YPEL1: variants seen among roughly 807,000 people sequenced by gnomAD.
YPEL1 encodes the protein protein yippee-like 1.
YPEL1 carries 7 observed loss-of-function variants against 17.3 expected under a neutral mutation model. That is an observed-to-expected ratio of 0.40 (90% CI 0.23 to 0.76). The LOEUF (loss-of-function observed/expected upper bound fraction) is 0.76. Ranked by LOEUF, YPEL1 falls within the 30% of genes least tolerant of loss-of-function variation. The probability of loss-of-function intolerance (pLI) is 0.35; values close to 1 mark genes in which losing one functional copy is unlikely to be tolerated. For missense variants in YPEL1, 91 were observed against 155.5 expected (o/e 0.59, Z 2.21); for synonymous variants, 59 against 59.6 (o/e 0.99, Z 0.05).
intron 1 of YPEL1, among the ~76,000 whole-genome samples, chr22:21,726,544 C>T (rs1394637901): frequency 6.6e-6 from 1 of 152,144 alleles, no homozygotes; most frequent in Non-Finnish European, 1.5e-5. Flanking sequence ...ACAGTCCAGT[C>T]CCCAGGAGGG....
At chr22:21,728,629 C>T (rs1283393623) in intron 1 of YPEL1, among the ~76,000 whole-genome samples, 3 of 152,164 alleles carry the variant, frequency 2.0e-5, no homozygotes, top group East Asian at 3.9e-4. Flanking sequence ...CCTTGGACCA[C>T]GGTGTCCAAG....
chr22:21,735,238 C>T (rs1442593324), intron 1 of YPEL1, among the ~76,000 whole-genome samples: 1 of 152,146 alleles, frequency 6.6e-6, no homozygotes, highest in Non-Finnish European at 1.5e-5. Context: ...TCCTAGGAGA[C>T]CTCTTTTGCC....
In YPEL1 at chr22:21,727,636, C is replaced by T. The variant is rs185087445; in HGVS notation, c.-165+7979G>A. Among the ~76,000 whole-genome samples, 79 of 152,318 alleles carry T rather than the reference C, an allele frequency of 5.2e-4. 1 individual carries two copies. In the Middle Eastern group the frequency reaches 0.014, roughly 26 times the overall value. On this transcript the variant is annotated intron_variant, in intron 1 of 4. Transcript: ENST00000339468. ...AATCAGGCCCATGTCCATATGGTGC[C>T]GGTAGCACACTTCTAAAGACAAACA...
At chr22:21,728,688 C>CT (rs1186006119) in intron 1 of YPEL1, among the ~76,000 whole-genome samples, 2 of 152,180 alleles carry the variant, frequency 1.3e-5, no homozygotes, top group Non-Finnish European at 2.9e-5. Flanking sequence ...CTCATACTGT[C>CT]TAACACTTAG....
chr22:21,727,575 T>G (rs2068347113), intron 1 of YPEL1, among the ~76,000 whole-genome samples: 1 of 152,192 alleles, frequency 6.6e-6, no homozygotes, highest in African/African-American at 2.4e-5. Context: ...ATTTCTCTCC[T>G]AAAATAAGCC....
intron 1 of YPEL1, among the ~76,000 whole-genome samples, chr22:21,718,436 G>A (rs1316401618): frequency 6.6e-6 from 1 of 151,806 alleles, no homozygotes; most frequent in Non-Finnish European, 1.5e-5. Flanking sequence ...CTGCACTCCA[G>A]CCTGGGCAAC....
chr22:21,711,513 G>A (rs768024608), intron 1 of YPEL1, among the ~76,000 whole-genome samples: 10 of 152,196 alleles, frequency 6.6e-5, no homozygotes, highest in Non-Finnish European at 1.2e-4. Context: ...ATTGAGGAAT[G>A]TGAGTGATGG....
At chr22:21,717,206 T>C (rs2068234355) in intron 1 of YPEL1, among the ~76,000 whole-genome samples, 1 of 151,602 alleles carries the variant, frequency 6.6e-6, no homozygotes. Flanking sequence ...TGAAACCCCG[T>C]CTCTACTAAA....
At chr22:21,719,966 C>T (rs2068264378) in intron 1 of YPEL1, among the ~76,000 whole-genome samples, 1 of 148,254 alleles carries the variant, frequency 6.7e-6, no homozygotes, top group African/African-American at 2.5e-5. Flanking sequence ...GAGCCAAGAT[C>T]GCACCACTGC....
Position 21,698,648 on chromosome 22 carries a change from C to G in YPEL1, c.*2481G>C, listed in dbSNP as rs2068028418. ...ATAAGTTTTCAGTGAACTCCTTCTT[C>G]CACCCGGGAAGGTGTCTTTCAGCCT... On this transcript the variant is annotated 3_prime_UTR_variant, in exon 5 of 5. Coordinates refer to ENST00000339468, the MANE Select transcript of YPEL1 (RefSeq NM_013313.5). 6.6e-6 allele frequency: 1 copy of G among 152,384 alleles called. No individual in the cohort carries two copies. The highest frequency in any genetic ancestry group is 6.5e-5 in the Admixed American group (1 of 15,282). The allele number at this position is 152,384 out of a possible 1,614,324, so 9.4% of individuals were successfully genotyped here.
At chr22:21,713,788 T>C (rs897499700) in intron 1 of YPEL1, among the ~76,000 whole-genome samples, 63 of 152,140 alleles carry the variant, frequency 4.1e-4, no homozygotes, top group African/African-American at 1.5e-3. Flanking sequence ...ATTTCTAAGG[T>C]CTCATTAACA....
intron 1 of YPEL1, among the ~76,000 whole-genome samples, chr22:21,712,948 A>G (rs1180814200): frequency 1.3e-5 from 2 of 152,136 alleles, no homozygotes; most frequent in East Asian, 1.9e-4. Context: ...AAAAATGGAC[A>G]AAGGACTTAT....
intron 2 of YPEL1, among the ~76,000 whole-genome samples, chr22:21,708,660 ATTTT>A (rs150796353): frequency 0.029 from 3,070 of 107,174 alleles, 145 homozygotes; most frequent in African/African-American, 0.11. Flanking sequence ...TCTTGATACA[ATTTT>A]TTTTTTTTTT....
rs1248796783 is a variant in YPEL1, at chr22:21,710,373, C to G, written c.117+255G>C. 5 of 539,652 alleles carry G rather than the reference C, an allele frequency of 9.3e-6. No homozygotes were observed. The African/African-American group carries it at 9.5e-5, about 10-fold the overall frequency. 33.4% of individuals were successfully genotyped at this position (539,652 alleles called of 1,614,324 possible). A position where few individuals can be genotyped will look rare whatever the true frequency, so the allele number is the denominator to read the frequency against. On this transcript the variant is annotated intron_variant, in intron 2 of 4. Transcript: ENST00000339468. ...TGTGAGTAACAAGTGATTCACCTTG[C>G]CCCTCGTAATCCCTGGGAGTGCCAG...
intron 1 of YPEL1, among the ~76,000 whole-genome samples, chr22:21,728,347 G>A (rs552794515): frequency 1.3e-4 from 20 of 152,218 alleles, no homozygotes; most frequent in Admixed American, 6.5e-4. Flanking sequence ...AAAGGCCACC[G>A]CCATCACGGA....
chr22:21,724,923 T>C (rs1268281754), intron 1 of YPEL1, among the ~76,000 whole-genome samples: 1 of 151,724 alleles, frequency 6.6e-6, no homozygotes, highest in Non-Finnish European at 1.5e-5. Context: ...TTTTTTTTTT[T>C]TGAAATGGAC....
At chr22:21,702,136 T>C (rs556219079) in intron 4 of YPEL1, among the ~76,000 whole-genome samples, 60 of 152,278 alleles carry the variant, frequency 3.9e-4, no homozygotes, top group African/African-American at 1.4e-3. Flanking sequence ...TGTGGCCTGG[T>C]GCTAGGGACA....
intron 1 of YPEL1, among the ~76,000 whole-genome samples, chr22:21,713,014 C>T (rs2068185932): frequency 6.6e-6 from 1 of 152,110 alleles, no homozygotes; most frequent in Non-Finnish European, 1.5e-5. Context: ...TGAAAAGGTG[C>T]TCCATGTCAC....
chr22:21,705,441 A>T (rs1569058722), intron 2 of YPEL1, among the ~76,000 whole-genome samples: 1 of 152,358 alleles, frequency 6.6e-6, no homozygotes, highest in East Asian at 1.9e-4. Flanking sequence ...AAAACAGGAA[A>T]GCAACATTTC....
Sources: gnomAD v4.1 joint callset for allele counts (sites outside exome capture counted in the v4.1 genomes callset) on GRCh38, gnomAD v4.1.1 for gene constraint, MANE v1.5 for transcripts, NCBI Gene and HGNC (gene_info 2026-07-23, HGNC 2026-07-21) for gene names.